Variants in GPC6 observed in about 807,000 individuals in gnomAD.
GPC6 encodes glypican-6.
GPC6 carries 14 observed loss-of-function variants against 55.2 expected under a neutral mutation model. That is an observed-to-expected ratio of 0.25 (90% CI 0.17 to 0.40). The LOEUF is 0.40. Among genes scored for constraint, GPC6 ranks in the 10% least tolerant of loss-of-function variants. The pLI is 1.00. For missense variants in GPC6, 641 were observed against 708.5 expected, an observed-to-expected ratio of 0.90 and a Z score of 1.08; for synonymous variants, 278 against 259.6, an observed-to-expected ratio of 1.07 and a Z score of -0.68.
At chr13:93,442,714 A>T (rs535982811) in intron 1 of GPC6, among the ~76,000 whole-genome samples, 2 of 152,256 alleles carry the variant, frequency 1.3e-5, no homozygotes, top group East Asian at 3.9e-4. Flanking sequence ...TTGCTGGGAA[A>T]ATATGGCAGA....
At chr13:94,343,032 T>A (rs1395617297) in intron 6 of GPC6, among the ~76,000 whole-genome samples, 1 of 152,180 alleles carries the variant, frequency 6.6e-6, no homozygotes, top group Non-Finnish European at 1.5e-5. Flanking sequence ...CTGCCAGAAC[T>A]GATTAAAAGT....
intron 4 of GPC6, among the ~76,000 whole-genome samples, chr13:94,196,427 G>A (rs921946050): frequency 6.6e-6 from 1 of 152,092 alleles, no homozygotes; most frequent in African/African-American, 2.4e-5. Context: ...TGACTTCCAA[G>A]CAAGAAACTA....
At chr13:93,927,548 G>A (rs765629631) in intron 3 of GPC6, among the ~76,000 whole-genome samples, 1 of 152,080 alleles carries the variant, frequency 6.6e-6, no homozygotes, top group Non-Finnish European at 1.5e-5. Context: ...CCAAAGATAT[G>A]CAGAGTTCAA....
intron 2 of GPC6, among the ~76,000 whole-genome samples, chr13:93,613,344 A>G (rs563184731): frequency 1.2e-4 from 19 of 152,160 alleles, no homozygotes; most frequent in Non-Finnish European, 2.5e-4. Flanking sequence ...TTAGGACTAA[A>G]GGTGGTGGGG....
At chr13:93,548,934 G>A (rs1594257256) in intron 2 of GPC6, among the ~76,000 whole-genome samples, 1 of 152,208 alleles carries the variant, frequency 6.6e-6, no homozygotes, top group East Asian at 1.9e-4. Context: ...GCTTCTCCAA[G>A]GGTCTGACAA....
At chr13:93,704,823 G>A (rs1566495679) in intron 2 of GPC6, among the ~76,000 whole-genome samples, 1 of 151,942 alleles carries the variant, frequency 6.6e-6, no homozygotes, top group Non-Finnish European at 1.5e-5. Flanking sequence ...ATTCTTATAA[G>A]CATATGGCAA....
At chr13:93,819,449 G>A (rs1886970554) in intron 2 of GPC6, among the ~76,000 whole-genome samples, 1 of 152,140 alleles carries the variant, frequency 6.6e-6, no homozygotes, top group Non-Finnish European at 1.5e-5. Flanking sequence ...AAAAAGCTGG[G>A]AATGATTTTA....
At chr13:93,401,252 C>G (rs756829227) in intron 1 of GPC6, among the ~76,000 whole-genome samples, 30 of 150,884 alleles carry the variant, frequency 2.0e-4, no homozygotes, top group Non-Finnish European at 3.8e-4. Context: ...TAGCACTTGG[C>G]AGACAAATGT....
chr13:94,162,541 T>C (rs940916521), intron 4 of GPC6, among the ~76,000 whole-genome samples: 3 of 152,182 alleles, frequency 2.0e-5, no homozygotes, highest in African/African-American at 7.2e-5. Context: ...AGGGCTACCC[T>C]GGCACCTGAA....
chr13:93,992,804 G>A (rs1881369179), intron 3 of GPC6, among the ~76,000 whole-genome samples: 1 of 152,120 alleles, frequency 6.6e-6, no homozygotes, highest in Non-Finnish European at 1.5e-5. Flanking sequence ...AATTTAAAAG[G>A]ACGGTGTATA....
In GPC6 at chr13:93,922,675, A is replaced by G. The variant is rs139717032; in HGVS notation, c.711+92130A>G. On this transcript the variant is annotated intron_variant, in intron 3 of 8. Coordinates refer to ENST00000377047, the MANE Select transcript of GPC6 (RefSeq NM_005708.5). ...TAGCAAAATCTAAATTTACATAAAG[A>G]TACATATGGCTAAAATGCATATAAT... is the stretch of plus-strand genomic sequence containing the variant. Among the ~76,000 whole-genome samples, 173 of 152,318 alleles carry G rather than the reference A, an allele frequency of 1.1e-3. 2 individuals carry two copies. The East Asian group carries it at 0.026, about 23-fold the overall frequency.
chr13:94,217,779 C>T (rs1301032962), intron 4 of GPC6, among the ~76,000 whole-genome samples: 1 of 152,170 alleles, frequency 6.6e-6, no homozygotes. Context: ...CAAGGAGACA[C>T]CAGTTCTGAT....
intron 4 of GPC6, among the ~76,000 whole-genome samples, chr13:94,095,378 A>T (rs746068334): frequency 6.6e-6 from 1 of 152,238 alleles, no homozygotes. Flanking sequence ...GATGTAATTT[A>T]TAATTCTCTA....
chr13:93,351,035 C>A (rs1003675552), intron 1 of GPC6, among the ~76,000 whole-genome samples: 2 of 151,938 alleles, frequency 1.3e-5, no homozygotes, highest in African/African-American at 4.8e-5. Context: ...TAAAGTATAA[C>A]AACAGTAATA....
chr13:94,254,152 G>A lies in GPC6; in HGVS notation c.878-32197G>A, dbSNP rs138605159. ...GATTAAAATGATTATAAAATGTATC[G>A]AGTCATATTCTTAAAGTGCCTTTGG... On this transcript the variant is annotated intron_variant, in intron 4 of 8. Transcript: ENST00000377047. Among the ~76,000 whole-genome samples the A allele has an allele frequency of 3.4e-3, 513 of 152,054 alleles. 4 individuals carry two copies. The highest frequency in any genetic ancestry group is 0.012 in the African/African-American group (478 of 41,510).
intron 3 of GPC6, among the ~76,000 whole-genome samples, chr13:93,993,592 A>G (rs868010805): frequency 1.3e-5 from 2 of 152,094 alleles, no homozygotes; most frequent in East Asian, 1.9e-4. Context: ...CAGTGCACCC[A>G]GACTCTTATT....
At chr13:93,620,373 C>T (rs1319893999) in intron 2 of GPC6, among the ~76,000 whole-genome samples, 4 of 152,108 alleles carry the variant, frequency 2.6e-5, no homozygotes, top group African/African-American at 9.7e-5. Flanking sequence ...CTACTTGAGG[C>T]AGCCATGGCT....
chr13:93,277,936 C>A (rs9523992), intron 1 of GPC6, among the ~76,000 whole-genome samples: 35,481 of 152,048 alleles, frequency 0.23, 4,199 homozygotes, highest in South Asian at 0.29. Context: ...TCTTTTTAAT[C>A]ATACTCCTTA....
intron 4 of GPC6, among the ~76,000 whole-genome samples, chr13:94,234,808 C>CCA (rs1294434418): frequency 6.6e-6 from 1 of 152,068 alleles, no homozygotes; most frequent in Non-Finnish European, 1.5e-5. Context: ...TCAGCATATA[C>CCA]CACAACATAG....
Sources: allele counts gnomAD v4.1 joint callset (sites outside exome capture counted in the v4.1 genomes callset), GRCh38; gene constraint gnomAD v4.1.1; transcripts MANE v1.5; gene names NCBI Gene and HGNC (gene_info 2026-07-23, HGNC 2026-07-21).